Variants in PLXNC1 observed in about 807,000 individuals in gnomAD.
PLXNC1 encodes the protein plexin-C1.
A neutral mutation model predicts 178.2 loss-of-function variants in PLXNC1; 75 were observed. That is an observed-to-expected ratio of 0.42 (90% CI 0.35 to 0.51). PLXNC1 has a LOEUF of 0.51. PLXNC1 is among the 20% of genes least tolerant of loss of function. The probability of loss-of-function intolerance (pLI) is 0.02; values close to 1 mark genes in which losing one functional copy is unlikely to be tolerated. For synonymous variants in PLXNC1, 790 were observed against 779.9 expected (o/e 1.01, Z -0.22); for missense variants, 1,503 against 1,984.4 (o/e 0.76, Z 4.61).
intron 4 of PLXNC1, among the ~76,000 whole-genome samples, chr12:94,207,884 A>G (rs1054466152): frequency 1.3e-5 from 2 of 152,196 alleles, no homozygotes; most frequent in African/African-American, 4.8e-5. Context: ...TTAAGAGCCA[A>G]CAAAAATATT....
intron 4 of PLXNC1, among the ~76,000 whole-genome samples, chr12:94,188,599 C>T (rs1962609467): frequency 6.6e-6 from 1 of 152,228 alleles, no homozygotes; most frequent in Non-Finnish European, 1.5e-5. Flanking sequence ...GCCAGGATTA[C>T]AGCCGTGAGC....
chr12:94,160,208 T>C (rs959333651), intron 1 of PLXNC1, among the ~76,000 whole-genome samples: 3 of 152,162 alleles, frequency 2.0e-5, no homozygotes, highest in Non-Finnish European at 4.4e-5. Context: ...CTCATCTTTC[T>C]TTCCCAGGCA....
chr12:94,208,829 G>GACT lies in PLXNC1; in HGVS notation c.1440-760_1440-758dup, dbSNP rs910674335. ...TTCCCAAGTTAGTGTGACCTAGAGT[G>GACT]ACTGACACATCAAGCAAGCCAGTGA... On this transcript the variant is annotated intron_variant, in intron 4 of 30. Transcript: ENST00000258526. 9.5e-4 allele frequency among the ~76,000 whole-genome samples: 145 copies of GACT among 152,338 alleles called. 1 individual carries two copies. Among genetic ancestry groups the GACT allele is most frequent in the African/African-American group, 3.3e-3 (138 of 41,572 alleles).
At chr12:94,191,374 A>T (rs543559707) in intron 4 of PLXNC1, among the ~76,000 whole-genome samples, 1 of 152,342 alleles carries the variant, frequency 6.6e-6, no homozygotes, top group East Asian at 1.9e-4. Flanking sequence ...TTATTTAGAA[A>T]AATAATTTAT....
intron 23 of PLXNC1, among the ~76,000 whole-genome samples, chr12:94,293,831 G>C (rs1380954635): frequency 6.6e-6 from 1 of 152,086 alleles, no homozygotes; most frequent in African/African-American, 2.4e-5. Context: ...ATGTTGCCCA[G>C]GCTGGTCTCA....
rs1035716527 is a variant in PLXNC1 at position 94,221,356 on chromosome 12, C to T, written c.1702+1193C>T. Among the ~76,000 whole-genome samples, 7 of 151,932 alleles carry T rather than the reference C, an allele frequency of 4.6e-5. No individual in the cohort carries two copies. In the East Asian group the frequency reaches 5.8e-4, roughly 13 times the overall value. On this transcript the variant is annotated intron_variant, in intron 6 of 30. Coordinates refer to ENST00000258526, the MANE Select transcript of PLXNC1 (RefSeq NM_005761.3). ...GTCCAAGTGAGAGAGAAAGTGAAAG[C>T]GGAAAGCTACTGGAGGGTCCAGGTG...
intron 4 of PLXNC1, among the ~76,000 whole-genome samples, chr12:94,187,842 GTAGTATTT>G (rs1416858401): frequency 5.9e-5 from 9 of 152,156 alleles, no homozygotes; most frequent in African/African-American, 2.2e-4. Flanking sequence ...TTGGGAGTTG[GTAGTATTT>G]TAGATGGTAC....
At chr12:94,221,220 G>A (rs907420849) in intron 6 of PLXNC1, among the ~76,000 whole-genome samples, 2 of 152,204 alleles carry the variant, frequency 1.3e-5, no homozygotes, top group African/African-American at 4.8e-5. Flanking sequence ...GCACAACGTA[G>A]GCATTCACAA....
At chr12:94,246,119 G>A (rs1482059334) in intron 12 of PLXNC1, among the ~76,000 whole-genome samples, 1 of 152,230 alleles carries the variant, frequency 6.6e-6, no homozygotes, top group African/African-American at 2.4e-5. Flanking sequence ...CCAACCCCCA[G>A]CAGGGGCCAG....
Position 94,280,137 on chromosome 12 carries a change from A to G in PLXNC1, c.3775+488A>G, listed in dbSNP as rs138761018. On this transcript the variant is annotated intron_variant, in intron 22 of 30. Coordinates refer to ENST00000258526, the MANE Select transcript of PLXNC1 (RefSeq NM_005761.3). Reference sequence around the variant, plus strand: ...GCTAATCACATCCTGTATTAAGTATATGCTCCGTCCTCCCTCAGTGTGCAG... The same window carrying G: ...GCTAATCACATCCTGTATTAAGTATGTGCTCCGTCCTCCCTCAGTGTGCAG... 1,533 of 284,760 alleles carry G rather than the reference A, an allele frequency of 5.4e-3. 10 individuals carry two copies. The highest frequency in any genetic ancestry group is 8.5e-3 in the Non-Finnish European group (1,232 of 144,556). The allele number at this position is 284,760 out of a possible 1,614,324, so 17.6% of individuals were successfully genotyped here. A position where few individuals can be genotyped will look rare whatever the true frequency, so the allele number is the denominator to read the frequency against.
At chr12:94,188,407 C>A (rs1962599761) in intron 4 of PLXNC1, among the ~76,000 whole-genome samples, 2 of 149,804 alleles carry the variant, frequency 1.3e-5, no homozygotes, top group Admixed American at 6.7e-5. Context: ...ACTGCAACCT[C>A]CACCTCCCAG....
At position 94,298,636 on chromosome 12, in the gene PLXNC1, C is replaced by G. The variant is rs147905242; in HGVS notation, c.4079C>G (p.Ala1360Gly). ...YLTKLLSTKV[A>G]IHSVLEKLFR... The stretch of plus-strand genomic sequence containing the variant: ...CTGATGTTGTCTATCTTTCAGGTGG[C>G]AATTCATTCTGTGCTTGAAAAACTT... Residue 1360 changes from alanine (A) to glycine (G), a missense_variant, in exon 27 of 31, where the codon GCA becomes GGA. Ala to Gly is a moderately conservative substitution (Grantham distance 60). This residue lies in a region of PLXNC1 where 639 missense variants were observed against 979.7 expected (regional missense o/e 0.65). Transcript: ENST00000258526. 2.4e-5 allele frequency: 38 copies of G among 1,587,052 alleles called. No individual in the cohort carries two copies. Among genetic ancestry groups the G allele is most frequent in the Non-Finnish European group, 3.2e-5 (37 of 1,171,058 alleles).
At chr12:94,166,524 GTATTATTATTATTATTATTAT>G (rs55733946) in intron 1 of PLXNC1, among the ~76,000 whole-genome samples, 3 of 144,088 alleles carry the variant, frequency 2.1e-5, no homozygotes, top group East Asian at 2.0e-4. Flanking sequence ...ATGTTAGCTG[GTATTATTATTATTATTATTAT>G]TATTATTATT....
chr12:94,295,141 AG>A (rs1372774176), intron 24 of PLXNC1, among the ~76,000 whole-genome samples: 4 of 152,240 alleles, frequency 2.6e-5, no homozygotes, highest in Non-Finnish European at 4.4e-5. Context: ...CAAGACAATC[AG>A]CTCTCAGCCC....
chr12:94,152,023 C>T (rs948267560), intron 1 of PLXNC1, among the ~76,000 whole-genome samples: 1 of 152,216 alleles, frequency 6.6e-6, no homozygotes, highest in Non-Finnish European at 1.5e-5. Flanking sequence ...GGTCCCTCCA[C>T]AGCATTTCTT....
intron 11 of PLXNC1, among the ~76,000 whole-genome samples, chr12:94,241,592 A>G (rs780353427): frequency 6.6e-6 from 1 of 152,200 alleles, no homozygotes. Flanking sequence ...CAGCTCCCAC[A>G]TATGGGTGAG....
chr12:94,285,213 T>A (rs1169304223), intron 23 of PLXNC1, among the ~76,000 whole-genome samples: 3 of 152,138 alleles, frequency 2.0e-5, no homozygotes, highest in Non-Finnish European at 2.9e-5. Flanking sequence ...AGGGACCCCC[T>A]GTTTTTCATG....
At chr12:94,297,042 G>A in intron 24 of PLXNC1, 147 bp from the exon 25 acceptor site, 2 of 717,758 alleles carry the variant, frequency 2.8e-6, no homozygotes, top group Non-Finnish European at 4.9e-6. Flanking sequence ...GCAGCAGGGG[G>A]AAAAATGTAG....
chr12:94,226,595 G>C lies in PLXNC1; in HGVS notation c.1791-10G>C, dbSNP rs369326646. 9.4e-6 allele frequency: 15 copies of C among 1,598,548 alleles called. No individual in the cohort carries two copies. The highest frequency in any genetic ancestry group is 2.2e-5 in the South Asian group (2 of 90,764). ...AACGCAGGAATTAAGTCAGTTTTCT[G>C]TGTTGCTAGATGCCCAGCATGCGTA... On this transcript the variant is annotated splice_polypyrimidine_tract_variant and intron_variant, in intron 7 of 30. Transcript: ENST00000258526.
Sources: allele counts gnomAD v4.1 joint callset (sites outside exome capture counted in the v4.1 genomes callset), GRCh38; gene constraint gnomAD v4.1.1; regional missense constraint gnomAD v4.1.1; transcripts MANE v1.5; gene names NCBI Gene and HGNC (gene_info 2026-07-23, HGNC 2026-07-21).